The following LCOR variants were observed in gnomAD, a reference collection of about 807,000 sequenced individuals.
The protein encoded by LCOR is ligand-dependent corepressor.
In LCOR, 14 loss-of-function variants were observed where a neutral mutation model predicts 64.4. That is an observed-to-expected ratio of 0.22 (90% CI 0.14 to 0.34). The LOEUF is 0.34. Among genes scored for constraint, LCOR ranks in the 10% least tolerant of loss-of-function variants. The pLI, the probability that LCOR is intolerant of heterozygous loss-of-function variation, is 1.00. For synonymous variants in LCOR, 643 were observed against 642.5 expected, an observed-to-expected ratio of 1.00 and a Z score of -0.01; for missense variants, 1,686 against 1,765.3, an observed-to-expected ratio of 0.96 and a Z score of 0.80.
At chr10:96,940,759 C>A (rs1161333265) in intron 4 of LCOR, among the ~76,000 whole-genome samples, 3 of 133,700 alleles carry the variant, frequency 2.2e-5, no homozygotes, top group Non-Finnish European at 4.8e-5. Context: ...CAATTTTTTC[C>A]CCACCCTTCC....
At position 96,988,288 on chromosome 10, in the gene LCOR, C is replaced by G. The variant is rs1355520530; in HGVS notation, c.*3154C>G. ...GTGAACCTTTATTCTGCTCCTGAGG[C>G]TTCCTTCATAGGAATGCTGTCAGTT... On this transcript the variant is annotated 3_prime_UTR_variant, in exon 8 of 8. Coordinates refer to ENST00000421806, the MANE Select transcript of LCOR (RefSeq NM_001346516.2). The G allele has an allele frequency of 6.6e-6, 1 of 152,246 alleles. No individual in the cohort carries two copies. The highest frequency in any genetic ancestry group is 2.4e-5 in the African/African-American group (1 of 41,470). 9.4% of individuals were successfully genotyped at this position (152,246 alleles called of 1,614,324 possible). A position where few individuals can be genotyped will look rare whatever the true frequency, so the allele number is the denominator to read the frequency against.
intron 7 of LCOR, chr10:96,955,951 A>G (rs759631063): frequency 5.0e-6 from 8 of 1,589,826 alleles, no homozygotes; most frequent in South Asian, 2.3e-5. Flanking sequence ...ATTACTGTAC[A>G]AACTGGGTGA....
At chr10:96,912,607 T>TCTTCCTTGCTTCCTTCCTTC in intron 4 of LCOR, among the ~76,000 whole-genome samples, 1 of 140,394 alleles carries the variant, frequency 7.1e-6, no homozygotes, top group African/African-American at 2.9e-5. Context: ...TTTCTTCCTT[T>TCTTCCTTGCTTCCTTCCTTC]CTTCCTTCCT....
intron 4 of LCOR, among the ~76,000 whole-genome samples, chr10:96,933,448 G>T (rs1409284313): frequency 5.9e-5 from 9 of 152,162 alleles, no homozygotes; most frequent in Non-Finnish European, 1.3e-4. Flanking sequence ...AGGAATAAAA[G>T]ACAAAAGAAC....
At chr10:96,941,365 C>T (rs1847470403) in intron 4 of LCOR, among the ~76,000 whole-genome samples, 1 of 142,150 alleles carries the variant, frequency 7.0e-6, no homozygotes, top group Non-Finnish European at 1.5e-5. Context: ...GGCGGCCGGG[C>T]AGAGGCGCCC....
At chr10:96,888,456 C>G (rs1408636746) in intron 2 of LCOR, among the ~76,000 whole-genome samples, 1 of 148,704 alleles carries the variant, frequency 6.7e-6, no homozygotes, top group East Asian at 2.0e-4. Context: ...CTTAAATCCA[C>G]TACTGCGGGC....
intron 2 of LCOR, among the ~76,000 whole-genome samples, chr10:96,893,104 C>T (rs993729263): frequency 6.6e-6 from 1 of 151,844 alleles, no homozygotes; most frequent in African/African-American, 2.4e-5. Flanking sequence ...GGTGTTTGTC[C>T]TGGGGATTAT....
At position 96,992,872 on chromosome 10, in the gene LCOR, C is replaced by T. The variant is rs192013958; in HGVS notation, c.*7738C>T. 3 of 152,410 alleles carry T rather than the reference C, an allele frequency of 2.0e-5. No individual in the cohort carries two copies. The highest frequency in any genetic ancestry group is 2.0e-4 in the Admixed American group (3 of 15,300). The allele number at this position is 152,410 out of a possible 1,614,324, so 9.4% of individuals were successfully genotyped here. ...ACTCTAATTAATCATGGGAGATAAGCATGTTACCTTCTGCACCTTGACTTT... is the reference window on the plus strand; with the variant it reads ...ACTCTAATTAATCATGGGAGATAAGTATGTTACCTTCTGCACCTTGACTTT... On this transcript the variant is annotated 3_prime_UTR_variant, in exon 8 of 8. Transcript: ENST00000421806.
intron 4 of LCOR, among the ~76,000 whole-genome samples, chr10:96,912,992 T>C (rs1846870934): frequency 6.6e-6 from 1 of 152,226 alleles, no homozygotes; most frequent in Non-Finnish European, 1.5e-5. Flanking sequence ...CAAATTATCC[T>C]AGGCCATTTA....
intron 7 of LCOR, among the ~76,000 whole-genome samples, chr10:96,970,069 G>A (rs1847985682): frequency 6.7e-6 from 1 of 148,792 alleles, no homozygotes. Flanking sequence ...GGGATTACAG[G>A]TGTGAGCCAC....
chr10:96,989,301 A>G lies in LCOR; in HGVS notation c.*4167A>G, dbSNP rs1194525278. On this transcript the variant is annotated 3_prime_UTR_variant, in exon 8 of 8. Coordinates refer to ENST00000421806, the MANE Select transcript of LCOR (RefSeq NM_001346516.2). ...TGGGCCTCTCATTTCACTCACACAG[A>G]ACTGACTCTGGCTTTATTTCTTGTT... The G allele has an allele frequency of 6.6e-6, 1 of 152,200 alleles. No homozygotes were observed. Among genetic ancestry groups the G allele is most frequent in the African/African-American group, 2.4e-5 (1 of 41,442 alleles). The allele number at this position is 152,200 out of a possible 1,614,324, so 9.4% of individuals were successfully genotyped here.
chr10:96,895,815 T>C (rs1260256537), intron 2 of LCOR, among the ~76,000 whole-genome samples: 1 of 152,218 alleles, frequency 6.6e-6, no homozygotes, highest in Admixed American at 6.5e-5. Context: ...AAATGTTACC[T>C]CCTTTGCCTG....
intron 2 of LCOR, among the ~76,000 whole-genome samples, chr10:96,840,901 G>C (rs1388608417): frequency 2.0e-5 from 3 of 152,232 alleles, no homozygotes; most frequent in Non-Finnish European, 4.4e-5. Context: ...ACACTGGAAG[G>C]CTGAGGCAGG....
chr10:96,844,902 G>A (rs573298123), intron 2 of LCOR, among the ~76,000 whole-genome samples: 1 of 152,312 alleles, frequency 6.6e-6, no homozygotes, highest in Non-Finnish European at 1.5e-5. Context: ...CCTCAAGGAA[G>A]TGTGGGGTGG....
intron 2 of LCOR, among the ~76,000 whole-genome samples, chr10:96,886,511 C>T (rs538143919): frequency 6.6e-6 from 1 of 152,146 alleles, no homozygotes; most frequent in Non-Finnish European, 1.5e-5. Flanking sequence ...TTCCCAAAAA[C>T]GTTCAACAAC....
Position 96,982,839 on chromosome 10 carries a change from T to C in LCOR, c.2379T>C (p.Ile793=). The C allele has an allele frequency of 6.2e-7, 1 of 1,614,114 alleles. No homozygotes were observed. Among genetic ancestry groups the C allele is most frequent in the East Asian group, 2.2e-5 (1 of 44,878 alleles). Residue 793 remains isoleucine, a synonymous_variant, in exon 8 of 8, where the codon ATT becomes ATC. Transcript: ENST00000421806. ...AAAAAGACACGTATGATACAAGCAT[T>C]GACTCACTCGAAGAGAATTTGGACA... The part of the protein sequence containing the change: ...LSEKDTYDTS[I]DSLEENLDKK...
At chr10:96,943,061 A>G (rs1287742530) in intron 4 of LCOR, among the ~76,000 whole-genome samples, 1 of 151,890 alleles carries the variant, frequency 6.6e-6, no homozygotes, top group East Asian at 1.9e-4. Context: ...ATAGTGCAGC[A>G]TATTGGAACT....
At chr10:96,888,636 A>G (rs913412778) in intron 2 of LCOR, among the ~76,000 whole-genome samples, 11 of 152,178 alleles carry the variant, frequency 7.2e-5, no homozygotes, top group Admixed American at 2.0e-4. Context: ...CAAGTGCAAA[A>G]TAGACTGATG....
chr10:96,853,984 T>C (rs1435249947), intron 2 of LCOR, among the ~76,000 whole-genome samples: 2 of 152,140 alleles, frequency 1.3e-5, no homozygotes, highest in African/African-American at 4.8e-5. Context: ...CATGATTCGA[T>C]TACCTCTATC....
Sources: allele counts gnomAD v4.1 joint callset (sites outside exome capture counted in the v4.1 genomes callset), GRCh38; gene constraint gnomAD v4.1.1; transcripts MANE v1.5; gene names NCBI Gene and HGNC (gene_info 2026-07-23, HGNC 2026-07-21).